Variants in STXBP5L observed in about 807,000 individuals in gnomAD.
The protein encoded by STXBP5L is syntaxin binding protein 5L.
In STXBP5L, 65 loss-of-function variants were observed where a neutral mutation model predicts 144.5. That is an observed-to-expected ratio of 0.45 (90% CI 0.37 to 0.55). The LOEUF (loss-of-function observed/expected upper bound fraction) is 0.55, where lower values mean the gene tolerates loss of function less well. Among genes scored for constraint, STXBP5L ranks in the 20% least tolerant of loss-of-function variants. The pLI, the probability that STXBP5L is intolerant of heterozygous loss-of-function variation, is 0.00. For missense variants in STXBP5L, 1,298 were observed against 1,405.5 expected (o/e 0.92, Z 1.22); for synonymous variants, 505 against 469.6 (o/e 1.08, Z -0.97).
chr3:121,012,991 A>T (rs1300511755), intron 3 of STXBP5L, among the ~76,000 whole-genome samples: 1 of 150,210 alleles, frequency 6.7e-6, no homozygotes, highest in African/African-American at 2.5e-5. Flanking sequence ...AATGGCCTCC[A>T]GCTGCATCCA....
chr3:121,019,513 CCACTT>C (rs1368581821), intron 3 of STXBP5L, among the ~76,000 whole-genome samples: 15 of 152,160 alleles, frequency 9.9e-5, no homozygotes, highest in Non-Finnish European at 1.8e-4. Flanking sequence ...TTCACAGAGT[CCACTT>C]CACTCCCCTG....
intron 20 of STXBP5L, among the ~76,000 whole-genome samples, chr3:121,342,366 CTTTAAG>C (rs1390315505): frequency 6.6e-6 from 1 of 151,914 alleles, no homozygotes; most frequent in African/African-American, 2.4e-5. Context: ...TATTATTATA[CTTTAAG>C]TTTTAGGGTA....
intron 19 of STXBP5L, among the ~76,000 whole-genome samples, chr3:121,306,561 G>A (rs187089127): frequency 7.2e-5 from 11 of 152,250 alleles, no homozygotes; most frequent in East Asian, 3.9e-4. Context: ...TGCGGTCTAC[G>A]TGAATAGAGA....
chr3:121,210,497 T>G (rs1318594422), intron 10 of STXBP5L, among the ~76,000 whole-genome samples: 1 of 152,216 alleles, frequency 6.6e-6, no homozygotes, highest in African/African-American at 2.4e-5. Context: ...AGACATGAAG[T>G]CCTTGCCCCT....
intron 22 of STXBP5L, among the ~76,000 whole-genome samples, chr3:121,407,017 A>C (rs942651874): frequency 3.3e-5 from 5 of 151,904 alleles, no homozygotes; most frequent in Non-Finnish European, 7.4e-5. Flanking sequence ...TTCTTTTTTA[A>C]TATAATGAGA....
intron 18 of STXBP5L, among the ~76,000 whole-genome samples, chr3:121,270,719 C>T (rs2050710831): frequency 6.6e-6 from 1 of 152,154 alleles, no homozygotes; most frequent in South Asian, 2.1e-4. Context: ...TCCCAAAGTG[C>T]TGAGATTACA....
intron 5 of STXBP5L, among the ~76,000 whole-genome samples, chr3:121,094,784 T>G (rs1164273863): frequency 6.6e-6 from 1 of 152,196 alleles, no homozygotes; most frequent in Non-Finnish European, 1.5e-5. Context: ...TGAAAGTTAA[T>G]ATTGTTATGT....
rs114034544 is a variant in STXBP5L, at chr3:121,306,139, G to A, written c.2111-12336G>A. Among the ~76,000 whole-genome samples, 1,152 of 152,208 alleles carry A rather than the reference G, an allele frequency of 7.6e-3. 12 individuals carry two copies. The highest frequency in any genetic ancestry group is 0.026 in the African/African-American group (1,093 of 41,530). On this transcript the variant is annotated intron_variant, in intron 19 of 26. Coordinates refer to ENST00000471454, the MANE Select transcript of STXBP5L (RefSeq NM_001308330.2). Reference sequence around the variant, plus strand: ...CCATGTAAAGTCTCCAGAAATTGTCGTAAGGGCATATAGCAAATGAAGACA... The same window carrying A: ...CCATGTAAAGTCTCCAGAAATTGTCATAAGGGCATATAGCAAATGAAGACA...
At chr3:121,403,002 G>A (rs1258735348) in intron 22 of STXBP5L, among the ~76,000 whole-genome samples, 6 of 151,992 alleles carry the variant, frequency 3.9e-5, no homozygotes, top group Admixed American at 6.6e-5. Flanking sequence ...TAACAATTAC[G>A]TATTTTCTCT....
chr3:121,027,690 A>G (rs1417445602), intron 3 of STXBP5L, among the ~76,000 whole-genome samples: 1 of 151,922 alleles, frequency 6.6e-6, no homozygotes, highest in African/African-American at 2.4e-5. Flanking sequence ...CGGTGAGCCC[A>G]CCTGAATAAT....
chr3:120,934,690 C>T (rs1370997094), intron 2 of STXBP5L, among the ~76,000 whole-genome samples: 1 of 152,056 alleles, frequency 6.6e-6, no homozygotes, highest in Admixed American at 6.6e-5. Context: ...GACACATAGA[C>T]ATTAAGGATT....
At chr3:121,313,679 A>G (rs373012608) in intron 19 of STXBP5L, among the ~76,000 whole-genome samples, 9,294 of 19,768 alleles carry the variant, frequency 0.47, 2,098 homozygotes, top group East Asian at 0.7. Context: ...CAGTAGGGGC[A>G]GCCGGGCAGA....
At chr3:121,113,574 T>C (rs2044093240) in intron 5 of STXBP5L, among the ~76,000 whole-genome samples, 1 of 152,238 alleles carries the variant, frequency 6.6e-6, no homozygotes, top group South Asian at 2.1e-4. Context: ...ATATATGAAG[T>C]TTGGTTCAAA....
chr3:121,183,793 C>G (rs1021701793), intron 9 of STXBP5L, among the ~76,000 whole-genome samples: 1 of 152,080 alleles, frequency 6.6e-6, no homozygotes, highest in Non-Finnish European at 1.5e-5. Context: ...CAGGGGTTGA[C>G]AGACACCTCA....
intron 3 of STXBP5L, among the ~76,000 whole-genome samples, chr3:121,004,534 C>A (rs1254371947): frequency 6.6e-6 from 1 of 151,710 alleles, no homozygotes. Flanking sequence ...TAATTGAATA[C>A]CCTTTATTTC....
chr3:121,276,438 A>AT (rs1428973539), intron 18 of STXBP5L, among the ~76,000 whole-genome samples: 9 of 151,870 alleles, frequency 5.9e-5, no homozygotes, highest in Admixed American at 2.6e-4. Flanking sequence ...CATATTTAAC[A>AT]TTTTTGTTGC....
intron 24 of STXBP5L, among the ~76,000 whole-genome samples, chr3:121,413,552 A>T (rs1218462322): frequency 1.3e-5 from 2 of 152,190 alleles, no homozygotes; most frequent in Middle Eastern, 3.2e-3. Context: ...TCATATTAAT[A>T]GCTAATCTTT....
intron 18 of STXBP5L, among the ~76,000 whole-genome samples, chr3:121,268,554 T>C (rs989367197): frequency 6.6e-6 from 1 of 151,724 alleles, no homozygotes; most frequent in Non-Finnish European, 1.5e-5. Flanking sequence ...TAAAGTATAA[T>C]AAAAAAAGAA....
chr3:121,311,031 C>T (rs1241801100), intron 19 of STXBP5L, among the ~76,000 whole-genome samples: 1 of 152,166 alleles, frequency 6.6e-6, no homozygotes, highest in East Asian at 1.9e-4. Context: ...CTTACTACTA[C>T]ATAACACAAA....
Sources: allele counts gnomAD v4.1 joint callset (sites outside exome capture counted in the v4.1 genomes callset), GRCh38; gene constraint gnomAD v4.1.1; transcripts MANE v1.5; gene names NCBI Gene and HGNC (gene_info 2026-07-23, HGNC 2026-07-21).